The following PALM2AKAP2 variants were observed in gnomAD, a reference collection of about 807,000 sequenced individuals.
The protein encoded by PALM2AKAP2 is PALM2-AKAP2 fusion protein.
Under a neutral mutation model 71.5 loss-of-function variants are expected in PALM2AKAP2, and 37 were observed. The observed-to-expected ratio is 0.52, with a 90% CI of 0.40 to 0.68. The LOEUF (loss-of-function observed/expected upper bound fraction) is 0.68, where lower values mean the gene tolerates loss of function less well. Among genes scored for constraint, PALM2AKAP2 ranks in the 30% least tolerant of loss-of-function variants. The pLI is 0.00. For missense variants in PALM2AKAP2, 1,224 were observed against 1,191.8 expected, an observed-to-expected ratio of 1.03 and a Z score of -0.40; for synonymous variants, 468 against 478.8, an observed-to-expected ratio of 0.98 and a Z score of 0.29.
chr9:109,705,415 C>G (rs1444842249), intron 1 of PALM2AKAP2, among the ~76,000 whole-genome samples: 1 of 152,156 alleles, frequency 6.6e-6, no homozygotes, highest in Non-Finnish European at 1.5e-5. Context: ...GAAATTCTGT[C>G]TTCTCTTGGA....
chr9:109,661,888 TG>T (rs1457306970), intron 1 of PALM2AKAP2, among the ~76,000 whole-genome samples: 1 of 152,196 alleles, frequency 6.6e-6, no homozygotes, highest in Non-Finnish European at 1.5e-5. Flanking sequence ...TCACATCCCT[TG>T]TAAGTTGGAT....
At chr9:109,889,135 T>C (rs1830031959) in intron 3 of PALM2AKAP2, among the ~76,000 whole-genome samples, 3 of 152,232 alleles carry the variant, frequency 2.0e-5, no homozygotes, top group Admixed American at 2.0e-4. Flanking sequence ...AGTGTTTCAG[T>C]TACTTGAAAA....
chr9:110,156,566 G>C, intron 3 of PALM2AKAP2, 69 bp downstream of exon 9: 3 of 1,486,712 alleles, frequency 2.0e-6, no homozygotes, highest in African/African-American at 1.4e-5. Flanking sequence ...TGGCATTCCA[G>C]TTCAGGCACA....
chr9:110,025,496 A>G (rs1451338700), intron 7 of PALM2AKAP2: 1 of 605,908 alleles, frequency 1.7e-6, no homozygotes, highest in Non-Finnish European at 2.9e-6. Flanking sequence ...GCTGCTTTGG[A>G]TAGTCACATG....
chr9:109,661,063 G>A (rs1477330306), intron 1 of PALM2AKAP2, among the ~76,000 whole-genome samples: 1 of 151,992 alleles, frequency 6.6e-6, no homozygotes, highest in Non-Finnish European at 1.5e-5. Context: ...CTGGATATTA[G>A]CCCTTTGTCA....
chr9:110,022,457 C>T (rs1399118477), intron 7 of PALM2AKAP2, among the ~76,000 whole-genome samples: 2 of 152,188 alleles, frequency 1.3e-5, no homozygotes, highest in South Asian at 2.1e-4. Context: ...CCCTGGCTTT[C>T]ATTCACTTCT....
intron 1 of PALM2AKAP2, among the ~76,000 whole-genome samples, chr9:109,716,008 G>T (rs1353333698): frequency 1.3e-5 from 2 of 152,120 alleles, no homozygotes; most frequent in African/African-American, 4.8e-5. Flanking sequence ...TCTGCAGCTG[G>T]GAAATCATAG....
chr9:110,042,258 C>T (rs1204839321), intron 7 of PALM2AKAP2, among the ~76,000 whole-genome samples: 1 of 152,164 alleles, frequency 6.6e-6, no homozygotes, highest in Non-Finnish European at 1.5e-5. Flanking sequence ...GAAACCCGGT[C>T]TCTACTAAGA....
At chr9:109,733,684 T>G (rs1414747959) in intron 1 of PALM2AKAP2, among the ~76,000 whole-genome samples, 1 of 152,216 alleles carries the variant, frequency 6.6e-6, no homozygotes, top group African/African-American at 2.4e-5. Flanking sequence ...GAACTCTCTC[T>G]AAATGTAATT....
intron 1 of PALM2AKAP2, among the ~76,000 whole-genome samples, chr9:109,733,676 ACT>A (rs1828587884): frequency 6.6e-6 from 1 of 152,152 alleles, no homozygotes. Context: ...AGACAAGGGA[ACT>A]CTCTCTAAAT....
At chr9:109,883,272 T>A (rs927531189) in intron 3 of PALM2AKAP2, among the ~76,000 whole-genome samples, 1 of 152,204 alleles carries the variant, frequency 6.6e-6, no homozygotes, top group Admixed American at 6.5e-5. Flanking sequence ...ACTCAATGTA[T>A]GCAGGCAGTC....
At chr9:109,793,094 G>A (rs1423071761) in intron 1 of PALM2AKAP2, among the ~76,000 whole-genome samples, 1 of 152,190 alleles carries the variant, frequency 6.6e-6, no homozygotes, top group Admixed American at 6.5e-5. Context: ...TTAAATAGTA[G>A]CATGTTTATA....
intron 1 of PALM2AKAP2, among the ~76,000 whole-genome samples, chr9:109,653,195 C>T (rs1827249778): frequency 6.6e-6 from 1 of 152,168 alleles, no homozygotes; most frequent in African/African-American, 2.4e-5. Flanking sequence ...ATCAGAAACT[C>T]AGCTTTCAGA....
At chr9:109,960,964 T>C (rs1381586305) in intron 6 of PALM2AKAP2, among the ~76,000 whole-genome samples, 1 of 152,210 alleles carries the variant, frequency 6.6e-6, no homozygotes. Context: ...AGGATTAGGC[T>C]ACTGAAGCAC....
At chr9:109,755,279 T>G (rs1334570945) in intron 1 of PALM2AKAP2, among the ~76,000 whole-genome samples, 2 of 152,058 alleles carry the variant, frequency 1.3e-5, no homozygotes, top group Non-Finnish European at 2.9e-5. Flanking sequence ...CCAACAAGGC[T>G]CTTTATAACT....
intron 1 of PALM2AKAP2, among the ~76,000 whole-genome samples, chr9:109,724,098 G>A (rs1275895806): frequency 2.0e-5 from 3 of 152,020 alleles, no homozygotes; most frequent in African/African-American, 7.2e-5. Context: ...AGAACACACA[G>A]ACATCATCTC....
At chr9:110,132,931 A>T (rs1835767309) in intron 1 of PALM2AKAP2, among the ~76,000 whole-genome samples, 1 of 152,248 alleles carries the variant, frequency 6.6e-6, no homozygotes, top group Non-Finnish European at 1.5e-5. Context: ...AGCATATTTT[A>T]AAATCTCAGT....
intron 3 of PALM2AKAP2, among the ~76,000 whole-genome samples, chr9:109,901,967 C>T (rs2131853025): frequency 6.6e-6 from 1 of 152,284 alleles, no homozygotes; most frequent in Non-Finnish European, 1.5e-5. Context: ...CCGCTGTCTC[C>T]TTTTCTTTTT....
intron 1 of PALM2AKAP2, among the ~76,000 whole-genome samples, chr9:109,712,218 C>T (rs1186679337): frequency 6.6e-6 from 1 of 152,118 alleles, no homozygotes; most frequent in Non-Finnish European, 1.5e-5. Context: ...TCATTGCTTA[C>T]AGGGTAGTTA....
Sources: allele counts gnomAD v4.1 joint callset (sites outside exome capture counted in the v4.1 genomes callset), GRCh38; gene constraint gnomAD v4.1.1; transcripts MANE v1.5; gene names NCBI Gene and HGNC (gene_info 2026-07-23, HGNC 2026-07-21).